The following FBXL3 variants were observed in gnomAD, a reference collection of about 807,000 sequenced individuals.
The protein encoded by FBXL3 is F-box/LRR-repeat protein 3.
In FBXL3, 14 loss-of-function variants were observed where a neutral mutation model predicts 37.9. The observed-to-expected ratio is 0.37, with a 90% CI of 0.24 to 0.58. FBXL3 has a LOEUF of 0.58. FBXL3 is among the 20% of genes least tolerant of loss of function. The probability of loss-of-function intolerance (pLI) is 0.74; values close to 1 mark genes in which losing one functional copy is unlikely to be tolerated. For synonymous variants in FBXL3, 194 were observed against 180.1 expected, an observed-to-expected ratio of 1.08 and a Z score of -0.62; for missense variants, 327 against 511.1, an observed-to-expected ratio of 0.64 and a Z score of 3.47.
Position 77,007,100 on chromosome 13 carries a change from A to G in FBXL3, c.*45T>C, listed in dbSNP as rs2034465202. The G allele has an allele frequency of 1.3e-6, 2 of 1,529,064 alleles. No individual in the cohort carries two copies. Among genetic ancestry groups the G allele is most frequent in the Non-Finnish European group, 8.7e-7 (1 of 1,144,816 alleles). 94.7% of individuals were successfully genotyped at this position (1,529,064 alleles called of 1,614,324 possible). A position where few individuals can be genotyped will look rare whatever the true frequency, so the allele number is the denominator to read the frequency against. On this transcript the variant is annotated 3_prime_UTR_variant, in exon 5 of 5. Transcript: ENST00000355619. ...AACTACAGCAAATAAAACTTTAATT[A>G]TAATACATTTGCTTGAAATTAAGGT...
At chr13:77,013,331 G>C (rs1043112516) in intron 4 of FBXL3, 2 of 152,132 alleles carry the variant, frequency 1.3e-5, no homozygotes, top group East Asian at 3.9e-4. Context: ...CCTTCTTGCC[G>C]GGGTCCAGTC....
intron 4 of FBXL3, chr13:77,010,990 T>C (rs1462801398): frequency 1.3e-5 from 2 of 152,074 alleles, no homozygotes; most frequent in Non-Finnish European, 2.9e-5. Flanking sequence ...AAAAGTAAAA[T>C]AAAACTAGGG....
In FBXL3 at chr13:77,007,544, A is replaced by G. The variant is rs776943204; in HGVS notation, c.888T>C (p.Tyr296=). 3 of 1,614,168 alleles carry G rather than the reference A, an allele frequency of 1.9e-6. No homozygotes were observed. Among genetic ancestry groups the G allele is most frequent in the Non-Finnish European group, 2.5e-6 (3 of 1,180,026 alleles). The change falls in exon 5 of 5, where the codon TAT becomes TAC. Residue 296 remains tyrosine (Y), a synonymous_variant. Coordinates refer to ENST00000355619, the MANE Select transcript of FBXL3 (RefSeq NM_012158.4). ...GAAAGAAGGGGTCAAATTCTTCTTC[A>G]TATAAAAAAAAATACATCACTAAGT... ...KVNLVMYFFL[Y]EEEFDPFFRY... is the part of the protein sequence containing the mutation.
At chr13:77,021,300 G>T (rs1465699942) in intron 2 of FBXL3, among the ~76,000 whole-genome samples, 1 of 152,014 alleles carries the variant, frequency 6.6e-6, no homozygotes, top group Non-Finnish European at 1.5e-5. Context: ...GGCTGCTTTT[G>T]CTGTTTTAAG....
At chr13:77,013,056 G>C (rs1217681504) in intron 4 of FBXL3, 1 of 152,294 alleles carries the variant, frequency 6.6e-6, no homozygotes, top group Admixed American at 6.5e-5. Flanking sequence ...TAACAGACGT[G>C]AGCCAACGTG....
chr13:77,008,590 T>C (rs2034492576), intron 4 of FBXL3: 1 of 152,368 alleles, frequency 6.6e-6, no homozygotes, highest in African/African-American at 2.4e-5. Context: ...TCTCACCCTG[T>C]AGCCCAGGCT....
At chr13:77,017,457 G>GT (rs1428215351) in intron 3 of FBXL3, 2 of 152,072 alleles carry the variant, frequency 1.3e-5, no homozygotes, top group African/African-American at 2.4e-5. Context: ...ATTTCTTAGC[G>GT]TGAGTTCCTT....
At chr13:77,010,870 G>T (rs2034538375) in intron 4 of FBXL3, 1 of 152,246 alleles carries the variant, frequency 6.6e-6, no homozygotes. Context: ...CTAATGTACA[G>T]AACAGTGGAG....
intron 4 of FBXL3, chr13:77,009,164 A>T (rs1593922698): frequency 6.6e-6 from 1 of 152,234 alleles, no homozygotes; most frequent in South Asian, 2.1e-4. Flanking sequence ...AGAAATGACA[A>T]GACAGAGGCC....
chr13:77,007,473 C>G lies in FBXL3; in HGVS notation c.959G>C (p.Ser320Thr). ...ATHLYFGRSV[S>T]KDVLGRVGMT... ...TCCCACACGGCCAAGCACATCTTTGCTTACTGATCTCCCAAAGTACAGATG... is the reference window on the plus strand; with the variant it reads ...TCCCACACGGCCAAGCACATCTTTGGTTACTGATCTCCCAAAGTACAGATG... The change falls in exon 5 of 5, where the codon AGC (serine) becomes ACC (threonine). Residue 320 changes from serine to threonine, a missense_variant. By Grantham distance (58) the Ser-to-Thr change is moderately conservative. Transcript: ENST00000355619. 6.2e-7 allele frequency: 1 copy of G among 1,614,180 alleles called. No homozygotes were observed. Among genetic ancestry groups the G allele is most frequent in the Non-Finnish European group, 8.5e-7 (1 of 1,180,020 alleles).
intron 1 of FBXL3, among the ~76,000 whole-genome samples, chr13:77,023,345 A>AGTGTGTGTGT (rs3037568): frequency 6.8e-6 from 1 of 147,498 alleles, no homozygotes; most frequent in Admixed American, 6.7e-5. Flanking sequence ...AGAGAGAGAG[A>AGTGTGTGTGT]GTGTGTGTGT....
rs1179351155 is a variant in FBXL3 at position 77,007,730 on chromosome 13, G to A, written c.702C>T (p.His234=). 1 of 1,613,886 alleles carries A rather than the reference G, an allele frequency of 6.2e-7. No individual in the cohort carries two copies. The highest frequency in any genetic ancestry group is 8.5e-7 in the Non-Finnish European group (1 of 1,179,942). The change falls in exon 5 of 5, where the codon CAC becomes CAT. Residue 234 remains histidine, a synonymous_variant. Transcript: ENST00000355619. The part of the protein sequence containing the change: ...HGLRELALNY[H]LLSDELLLAL... ...CAAGTAACAACTCATCACTCAATAA[G>A]TGGTAGTTCAGGGCTAGTTCTCTTA...
chr13:77,026,008 AG>A (rs11322111), intron 1 of FBXL3, among the ~76,000 whole-genome samples: 5,798 of 152,192 alleles, frequency 0.038, 224 homozygotes, highest in East Asian at 0.14. Context: ...TCATATAGAT[AG>A]ATAGATAACT....
At chr13:77,019,776 G>T (rs1460329418) in intron 2 of FBXL3, among the ~76,000 whole-genome samples, 2 of 151,894 alleles carry the variant, frequency 1.3e-5, no homozygotes, top group African/African-American at 4.8e-5. Context: ...ACTATCAGGA[G>T]AGCCCAGAAG....
chr13:77,026,716 C>A (rs1438218293), intron 1 of FBXL3, 111 bp downstream of exon 1: 4 of 116,086 alleles, frequency 3.4e-5, no homozygotes, highest in African/African-American at 1.3e-4. Context: ...CGCGCCCCGG[C>A]CCCCGCGCCC....
intron 4 of FBXL3, chr13:77,013,836 G>A (rs181620977): frequency 2.6e-5 from 4 of 152,182 alleles, no homozygotes; most frequent in Non-Finnish European, 5.9e-5. Flanking sequence ...CCCATTGGGC[G>A]GATCCCACAA....
At position 77,018,642 on chromosome 13, in the gene FBXL3, T is replaced by C; in HGVS notation, c.429A>G (p.Gly143=). The change falls in exon 3 of 5, where the codon GGA becomes GGG. Residue 143 remains glycine, a synonymous_variant. Transcript: ENST00000355619. The stretch of plus-strand genomic sequence containing the variant: ...AGCTTGGTCGAGCAGTTGAAATAAG[T>C]CCAAGTGTTTTTAAAGAGCAATTCA... The part of the protein sequence containing the change: ...QLVNCSLKTL[G]LISTARPSFM... 1.3e-6 allele frequency: 2 copies of C among 1,598,046 alleles called. No individual in the cohort carries two copies. Among genetic ancestry groups the C allele is most frequent in the Non-Finnish European group, 8.5e-7 (1 of 1,173,260 alleles).
chr13:77,021,000 T>G (rs561320417), intron 2 of FBXL3, among the ~76,000 whole-genome samples: 1 of 152,192 alleles, frequency 6.6e-6, no homozygotes, highest in Admixed American at 6.5e-5. Context: ...CAAAAAGAAA[T>G]AAACAGTTCC....
intron 1 of FBXL3, among the ~76,000 whole-genome samples, chr13:77,024,110 C>G (rs145792353): frequency 0.012 from 1,867 of 152,218 alleles, 24 homozygotes; most frequent in Non-Finnish European, 0.019. Flanking sequence ...TTATGTGTGA[C>G]TTGAGATTAG....
Sources: gnomAD v4.1 joint callset for allele counts (sites outside exome capture counted in the v4.1 genomes callset) on GRCh38, gnomAD v4.1.1 for gene constraint, MANE v1.5 for transcripts, NCBI Gene and HGNC (gene_info 2026-07-23, HGNC 2026-07-21) for gene names.